CSMD1: variants seen among roughly 807,000 people sequenced by gnomAD.
The protein encoded by CSMD1 is CUB and sushi domain-containing protein 1.
A neutral mutation model predicts 417.5 loss-of-function variants in CSMD1; 213 were observed. The ratio of observed to expected loss-of-function variants is 0.51; its 90% CI spans 0.46 to 0.57. CSMD1 has a LOEUF of 0.57. Ranked by LOEUF, CSMD1 falls within the 20% of genes least tolerant of loss-of-function variation. The pLI is 0.00. For synonymous variants in CSMD1, 2,862 were observed against 1,736.8 expected, an observed-to-expected ratio of 1.65 and a Z score of -16.11; for missense variants, 6,923 against 4,529.7, an observed-to-expected ratio of 1.53 and a Z score of -15.17.
intron 1 of CSMD1, among the ~76,000 whole-genome samples, chr8:4,703,217 T>C (rs556233951): frequency 2.0e-5 from 3 of 152,332 alleles, no homozygotes; most frequent in African/African-American, 4.8e-5. Flanking sequence ...CTATAGCTCA[T>C]ACAGTGTAAA....
intron 1 of CSMD1, among the ~76,000 whole-genome samples, chr8:4,935,310 G>A (rs905509437): frequency 7.9e-5 from 12 of 152,166 alleles, no homozygotes; most frequent in African/African-American, 2.4e-4. Context: ...TCAGGCAGAG[G>A]TCTCATTAGG....
intron 6 of CSMD1, among the ~76,000 whole-genome samples, chr8:3,753,528 G>T (rs982254049): frequency 6.6e-6 from 1 of 152,122 alleles, no homozygotes; most frequent in Non-Finnish European, 1.5e-5. Flanking sequence ...GACCTTTTAG[G>T]ATTAAAAGTG....
At chr8:3,876,185 T>C (rs1310154298) in intron 5 of CSMD1, among the ~76,000 whole-genome samples, 3 of 152,190 alleles carry the variant, frequency 2.0e-5, no homozygotes, top group African/African-American at 7.2e-5. Flanking sequence ...GAAACTCATG[T>C]TTGAAAGGAG....
At chr8:4,239,742 G>C (rs777154546) in intron 3 of CSMD1, among the ~76,000 whole-genome samples, 1 of 152,164 alleles carries the variant, frequency 6.6e-6, no homozygotes, top group Non-Finnish European at 1.5e-5. Context: ...AAGGTGGGTG[G>C]TGGTTTCTTA....
chr8:3,489,013 G>A (rs1484302292), intron 11 of CSMD1, among the ~76,000 whole-genome samples: 1 of 152,076 alleles, frequency 6.6e-6, no homozygotes, highest in Admixed American at 6.6e-5. Context: ...GGCACTACAT[G>A]TTTAGTGATT....
rs754294631 is a variant in CSMD1, at chr8:3,343,362, T to C, written c.3563A>G (p.Asn1188Ser). ...LLGLILNSTS[N>S]HLWLEFNTNG... ...GGTGTTGAACTCTAGCCACAGGTGA[T>C]TGGATGTGCTGTTTAGGATCAGCCC... The change falls in exon 23 of 70, where the codon AAT becomes AGT. Residue 1188 changes from asparagine to serine, a missense_variant. Physicochemically the swap from Asn to Ser is conservative, Grantham distance 46 (BLOSUM62 1). Transcript: ENST00000635120. 1.3e-5 allele frequency: 21 copies of C among 1,613,714 alleles called. No homozygotes were observed. In the East Asian group the frequency reaches 2.7e-4, roughly 21 times the overall value.
At chr8:4,040,463 G>C (rs1198779388) in intron 3 of CSMD1, among the ~76,000 whole-genome samples, 1 of 152,134 alleles carries the variant, frequency 6.6e-6, no homozygotes. Flanking sequence ...TATGATGATG[G>C]ATTCAGAATC....
At position 3,951,349 on chromosome 8, in the gene CSMD1, G is replaced by A. The variant is rs536878208; in HGVS notation, c.818+46554C>T. ...GCACCAGCCCAGTGTCCTGAACGGAGCAGGAATTCAAGAATTCAATAAGTT... is the reference window on the plus strand; with the variant it reads ...GCACCAGCCCAGTGTCCTGAACGGAACAGGAATTCAAGAATTCAATAAGTT... On this transcript the variant is annotated intron_variant, in intron 5 of 69. Coordinates refer to ENST00000635120, the MANE Select transcript of CSMD1 (RefSeq NM_033225.6). Among the ~76,000 whole-genome samples the A allele has an allele frequency of 2.6e-5, 4 of 152,306 alleles. No individual in the cohort carries two copies. In the South Asian group the frequency reaches 6.2e-4, roughly 24 times the overall value.
chr8:3,064,692 C>T (rs145401316), intron 49 of CSMD1, among the ~76,000 whole-genome samples: 1,803 of 152,228 alleles, frequency 0.012, 41 homozygotes, highest in African/African-American at 0.041. Flanking sequence ...AAAACATCCC[C>T]GCATTTTCTC....
At chr8:4,315,149 C>G (rs561053567) in intron 3 of CSMD1, among the ~76,000 whole-genome samples, 6 of 152,174 alleles carry the variant, frequency 3.9e-5, no homozygotes, top group Non-Finnish European at 8.8e-5. Flanking sequence ...CTGCCCTCAT[C>G]CACACCTACC....
chr8:4,822,806 T>G (rs1799595084), intron 1 of CSMD1, among the ~76,000 whole-genome samples: 1 of 152,128 alleles, frequency 6.6e-6, no homozygotes, highest in African/African-American at 2.4e-5. Context: ...AAATATTTCT[T>G]GGTTTGATGA....
chr8:4,727,148 C>T lies in CSMD1; in HGVS notation c.86-89590G>A, dbSNP rs114647998. 9.9e-3 allele frequency among the ~76,000 whole-genome samples: 1,512 copies of T among 152,194 alleles called. 21 individuals are homozygous for T. Among genetic ancestry groups the T allele is most frequent in the African/African-American group, 0.033 (1,358 of 41,522 alleles). ...GAATGTAACTTCTGCGGGGACACTT[C>T]GCTCTCAATCCACCGTAGGCCAGTA... On this transcript the variant is annotated intron_variant, in intron 1 of 69. Coordinates refer to ENST00000635120, the MANE Select transcript of CSMD1 (RefSeq NM_033225.6).
In CSMD1 at chr8:4,737,532, A is replaced by G. The variant is rs553572382; in HGVS notation, c.86-99974T>C. On this transcript the variant is annotated intron_variant, in intron 1 of 69. Coordinates refer to ENST00000635120, the MANE Select transcript of CSMD1 (RefSeq NM_033225.6). ...AACATAAAACATCATTACCAGACACATGATTGATGATTTCCCTTATAGACA... is the reference window on the plus strand; with the variant it reads ...AACATAAAACATCATTACCAGACACGTGATTGATGATTTCCCTTATAGACA... Among the ~76,000 whole-genome samples, 9 of 152,308 alleles carry G rather than the reference A, an allele frequency of 5.9e-5. No individual in the cohort carries two copies. In the South Asian group the frequency reaches 1.9e-3, roughly 32 times the overall value.
chr8:3,392,086 T>A (rs910820388), intron 17 of CSMD1, among the ~76,000 whole-genome samples: 9 of 116,512 alleles, frequency 7.7e-5, no homozygotes, highest in Admixed American at 3.6e-4. Context: ...AAGGGGAACA[T>A]CACACACCAG....
At chr8:3,625,756 C>T (rs1032537432) in intron 7 of CSMD1, among the ~76,000 whole-genome samples, 2 of 152,128 alleles carry the variant, frequency 1.3e-5, no homozygotes, top group African/African-American at 4.8e-5. Flanking sequence ...ATCCTATGAT[C>T]TCAGTAGTTT....
At chr8:3,324,396 T>A (rs11776497) in intron 23 of CSMD1, among the ~76,000 whole-genome samples, 3 of 124,540 alleles carry the variant, frequency 2.4e-5, no homozygotes, top group Non-Finnish European at 3.4e-5. Flanking sequence ...TCCTTCCCCC[T>A]ACCTTTGGTC....
chr8:4,070,612 C>T (rs1454108124), intron 3 of CSMD1, among the ~76,000 whole-genome samples: 1 of 152,160 alleles, frequency 6.6e-6, no homozygotes, highest in Non-Finnish European at 1.5e-5. Context: ...CCACCTCGGC[C>T]TCCCAAAGTG....
intron 1 of CSMD1, among the ~76,000 whole-genome samples, chr8:4,946,689 T>A (rs1808391392): frequency 6.6e-6 from 1 of 152,240 alleles, no homozygotes. Context: ...AATTGTATTA[T>A]TCACTCACTC....
intron 2 of CSMD1, among the ~76,000 whole-genome samples, chr8:4,543,686 A>AC (rs1314605979): frequency 2.7e-5 from 4 of 149,958 alleles, no homozygotes; most frequent in Admixed American, 2.7e-4. Flanking sequence ...AAAAAAAAAA[A>AC]AAAAAAAAAA....
Sources: allele counts gnomAD v4.1 joint callset (sites outside exome capture counted in the v4.1 genomes callset), GRCh38; gene constraint gnomAD v4.1.1; transcripts MANE v1.5; gene names NCBI Gene and HGNC (gene_info 2026-07-23, HGNC 2026-07-21).